SLC25A21: variants seen among roughly 807,000 people sequenced by gnomAD.
SLC25A21 encodes mitochondrial 2-oxodicarboxylate carrier.
Under a neutral mutation model 43.8 loss-of-function variants are expected in SLC25A21, and 47 were observed. That is an observed-to-expected ratio of 1.07 (90% CI 0.85 to 1.37). The LOEUF (loss-of-function observed/expected upper bound fraction) is 1.37, where lower values mean the gene tolerates loss of function less well. SLC25A21 is among the 40% of genes most tolerant of loss of function. SLC25A21 has a pLI of 0.00. For synonymous variants in SLC25A21, 131 were observed against 121.3 expected, an observed-to-expected ratio of 1.08 and a Z score of -0.52; for missense variants, 352 against 350.2, an observed-to-expected ratio of 1.00 and a Z score of -0.04.
At chr14:37,130,354 G>A (rs1248260843) in intron 1 of SLC25A21, among the ~76,000 whole-genome samples, 4 of 152,096 alleles carry the variant, frequency 2.6e-5, no homozygotes, top group Non-Finnish European at 5.9e-5. Context: ...GAATGACAAA[G>A]AATAAAAATG....
intron 2 of SLC25A21, among the ~76,000 whole-genome samples, chr14:36,843,524 C>T (rs1045023227): frequency 6.6e-6 from 1 of 152,126 alleles, no homozygotes; most frequent in Admixed American, 6.6e-5. Context: ...TTAACATTTG[C>T]CATGCATTTT....
At chr14:36,930,808 C>T (rs2138636113) in intron 1 of SLC25A21, among the ~76,000 whole-genome samples, 1 of 152,226 alleles carries the variant, frequency 6.6e-6, no homozygotes. Flanking sequence ...AGTGTCATCC[C>T]CTGCCTCACT....
intron 1 of SLC25A21, among the ~76,000 whole-genome samples, chr14:36,952,582 T>C (rs1029567042): frequency 6.6e-6 from 1 of 152,150 alleles, no homozygotes; most frequent in South Asian, 2.1e-4. Flanking sequence ...ACAAATGACA[T>C]TGTATTAGAA....
At chr14:37,052,919 T>C (rs1470900804) in intron 1 of SLC25A21, among the ~76,000 whole-genome samples, 1 of 152,244 alleles carries the variant, frequency 6.6e-6, no homozygotes, top group South Asian at 2.1e-4. Flanking sequence ...ATTACAGGTA[T>C]GAGCCTTTGC....
At chr14:36,968,511 G>T (rs1269487433) in intron 1 of SLC25A21, among the ~76,000 whole-genome samples, 2 of 152,220 alleles carry the variant, frequency 1.3e-5, no homozygotes, top group Non-Finnish European at 2.9e-5. Context: ...TCTTTTCAGA[G>T]CATCATCCAT....
intron 1 of SLC25A21, among the ~76,000 whole-genome samples, chr14:36,944,854 A>G (rs780743740): frequency 6.6e-6 from 1 of 152,142 alleles, no homozygotes; most frequent in Non-Finnish European, 1.5e-5. Context: ...AAGCTGACTC[A>G]TCCCATCACA....
chr14:36,735,643 C>T (rs1040104331), intron 3 of SLC25A21, among the ~76,000 whole-genome samples: 3 of 152,064 alleles, frequency 2.0e-5, no homozygotes, highest in Non-Finnish European at 2.9e-5. Flanking sequence ...CAAACCAACA[C>T]GGCGACCTCT....
chr14:36,816,424 G>A (rs1017050735), intron 2 of SLC25A21, among the ~76,000 whole-genome samples: 9 of 151,676 alleles, frequency 5.9e-5, no homozygotes, highest in East Asian at 1.9e-4. Flanking sequence ...GGAATACAAC[G>A]AAAGGGGCAA....
rs539506675 is a variant in SLC25A21 at position 37,108,261 on chromosome 14, C to T, written c.70+64020G>A. Among the ~76,000 whole-genome samples the T allele has an allele frequency of 2.6e-5, 4 of 152,254 alleles. No individual in the cohort carries two copies. The South Asian group carries it at 6.2e-4, about 24-fold the overall frequency. The stretch of plus-strand genomic sequence containing the variant: ...CCATCATGTGCAGTGCACAAAGGTA[C>T]GTGCTTTACATTTGCTAATGAATTC... On this transcript the variant is annotated intron_variant, in intron 1 of 9. Coordinates refer to ENST00000331299, the MANE Select transcript of SLC25A21 (RefSeq NM_030631.4).
intron 1 of SLC25A21, among the ~76,000 whole-genome samples, chr14:36,906,512 C>CA (rs571573794): frequency 1.4e-5 from 2 of 143,092 alleles, no homozygotes; most frequent in African/African-American, 2.6e-5. Flanking sequence ...TCTTTCCTTC[C>CA]TTTTTTTTTT....
chr14:37,051,642 A>T (rs563098471), intron 1 of SLC25A21, among the ~76,000 whole-genome samples: 2 of 152,328 alleles, frequency 1.3e-5, no homozygotes, highest in Non-Finnish European at 2.9e-5. Context: ...GGCTACTTCA[A>T]TACCGAGGGA....
chr14:36,992,704 C>T (rs1161853678), intron 1 of SLC25A21, among the ~76,000 whole-genome samples: 1 of 151,962 alleles, frequency 6.6e-6, no homozygotes, highest in Non-Finnish European at 1.5e-5. Flanking sequence ...CTTGTTTTGC[C>T]ATAGATTTAA....
intron 1 of SLC25A21, among the ~76,000 whole-genome samples, chr14:36,966,996 G>T (rs1299202083): frequency 1.3e-5 from 2 of 152,028 alleles, no homozygotes; most frequent in African/African-American, 4.8e-5. Flanking sequence ...ATATATATAT[G>T]TATATCCCCT....
intron 1 of SLC25A21, among the ~76,000 whole-genome samples, chr14:37,022,421 AC>A (rs1961006463): frequency 2.0e-5 from 3 of 152,006 alleles, no homozygotes; most frequent in African/African-American, 7.2e-5. Flanking sequence ...GCAACTCTGT[AC>A]CCCAACCCAA....
At chr14:36,771,927 G>T (rs1292762520) in intron 3 of SLC25A21, among the ~76,000 whole-genome samples, 1 of 152,112 alleles carries the variant, frequency 6.6e-6, no homozygotes, top group Non-Finnish European at 1.5e-5. Flanking sequence ...TGGTGTCTGG[G>T]CTCATTGGGC....
chr14:36,713,825 A>T (rs1042319729), intron 6 of SLC25A21, among the ~76,000 whole-genome samples: 2 of 152,060 alleles, frequency 1.3e-5, no homozygotes, highest in African/African-American at 4.8e-5. Flanking sequence ...CTCTACAAAA[A>T]ATTAAAAAAT....
chr14:36,873,139 TC>T (rs896022707), intron 2 of SLC25A21, among the ~76,000 whole-genome samples: 2 of 152,172 alleles, frequency 1.3e-5, no homozygotes, highest in African/African-American at 4.8e-5. Flanking sequence ...GCAACAATAA[TC>T]TGGCTTCTCA....
intron 1 of SLC25A21, among the ~76,000 whole-genome samples, chr14:37,041,331 C>T (rs1961466940): frequency 6.6e-6 from 1 of 151,952 alleles, no homozygotes; most frequent in African/African-American, 2.4e-5. Context: ...TATAATTAGC[C>T]ATCTGTTAAA....
chr14:36,851,935 T>C (rs998115624), intron 2 of SLC25A21, among the ~76,000 whole-genome samples: 2 of 152,178 alleles, frequency 1.3e-5, no homozygotes, highest in Non-Finnish European at 2.9e-5. Context: ...TTCTAATTTC[T>C]AACTAATGAA....
Sources: allele counts gnomAD v4.1 joint callset (sites outside exome capture counted in the v4.1 genomes callset), GRCh38; gene constraint gnomAD v4.1.1; transcripts MANE v1.5; gene names NCBI Gene and HGNC (gene_info 2026-07-23, HGNC 2026-07-21).